ARHGAP10: variants seen among roughly 807,000 people sequenced by gnomAD.
The protein encoded by ARHGAP10 is rho GTPase-activating protein 10.
Under a neutral mutation model 108.6 loss-of-function variants are expected in ARHGAP10, and 87 were observed. The observed-to-expected ratio is 0.80, with a 90% CI of 0.67 to 0.96. The LOEUF is 0.96. Among genes scored for constraint, ARHGAP10 ranks in the 40% least tolerant of loss-of-function variants. The pLI is 0.00. For missense variants in ARHGAP10, 939 were observed against 954.5 expected (o/e 0.98, Z 0.21); for synonymous variants, 347 against 341.1 (o/e 1.02, Z -0.19).
chr4:147,959,601 A>T (rs1457509413), intron 16 of ARHGAP10, among the ~76,000 whole-genome samples: 3 of 151,942 alleles, frequency 2.0e-5, no homozygotes, highest in Admixed American at 2.0e-4. Flanking sequence ...CCCACCTATG[A>T]GTGAGAACAT....
At chr4:147,983,483 C>T (rs1052960866) in intron 18 of ARHGAP10, among the ~76,000 whole-genome samples, 6 of 151,730 alleles carry the variant, frequency 4.0e-5, no homozygotes, top group Non-Finnish European at 8.8e-5. Context: ...CTGCACTCGG[C>T]CTGTTCATTT....
At chr4:148,021,923 G>A (rs1365764192) in intron 18 of ARHGAP10, among the ~76,000 whole-genome samples, 1 of 152,136 alleles carries the variant, frequency 6.6e-6, no homozygotes, top group Non-Finnish European at 1.5e-5. Context: ...ACATGAGGGG[G>A]CAGTATGGGA....
At chr4:147,993,102 C>G (rs1740341416) in intron 18 of ARHGAP10, among the ~76,000 whole-genome samples, 1 of 152,268 alleles carries the variant, frequency 6.6e-6, no homozygotes, top group African/African-American at 2.4e-5. Flanking sequence ...TTGGCTTTTG[C>G]TTTTGTTTAT....
At chr4:147,915,843 C>T (rs1290590429) in intron 13 of ARHGAP10, among the ~76,000 whole-genome samples, 2 of 152,128 alleles carry the variant, frequency 1.3e-5, no homozygotes, top group South Asian at 4.2e-4. Flanking sequence ...CTGGCTCACA[C>T]CTATAATCCC....
chr4:147,864,999 A>C lies in ARHGAP10; in HGVS notation c.597+43A>C, dbSNP rs1456921417. 3 of 1,503,910 alleles carry C rather than the reference A, an allele frequency of 2.0e-6. No homozygotes were observed. The African/African-American group carries it at 4.2e-5, about 21-fold the overall frequency. The allele number at this position is 1,503,910 out of a possible 1,614,324, so 93.2% of individuals were successfully genotyped here. A position where few individuals can be genotyped will look rare whatever the true frequency, so the allele number is the denominator to read the frequency against. On this transcript the variant is annotated intron_variant, in intron 6 of 22. Transcript: ENST00000336498. Reference sequence around the variant, plus strand: ...GTTTGCTGGTGGATTTTTGCAATGTAAGATAAGTATTTATTTTCCTAGATC... The same window carrying C: ...GTTTGCTGGTGGATTTTTGCAATGTCAGATAAGTATTTATTTTCCTAGATC...
intron 18 of ARHGAP10, among the ~76,000 whole-genome samples, chr4:147,977,363 G>C (rs796172979): frequency 6.6e-6 from 1 of 152,074 alleles, no homozygotes; most frequent in South Asian, 2.1e-4. Context: ...GGTAGTTTGG[G>C]TATATATGGG....
intron 1 of ARHGAP10, among the ~76,000 whole-genome samples, chr4:147,780,255 G>A (rs1036833195): frequency 6.6e-6 from 1 of 152,096 alleles, no homozygotes; most frequent in Non-Finnish European, 1.5e-5. Flanking sequence ...AGCTGGTCCC[G>A]TGTCTGGATC....
chr4:147,993,090 G>T (rs1740340963), intron 18 of ARHGAP10, among the ~76,000 whole-genome samples: 1 of 152,186 alleles, frequency 6.6e-6, no homozygotes, highest in South Asian at 2.1e-4. Flanking sequence ...TGGGAGCAGG[G>T]TTTGGCTTTT....
chr4:147,965,596 A>C lies in ARHGAP10; in HGVS notation c.1556+467A>C, dbSNP rs540403785. Among the ~76,000 whole-genome samples the C allele has an allele frequency of 3.3e-5, 5 of 152,368 alleles. No individual in the cohort carries two copies. In the East Asian group the frequency reaches 9.6e-4, roughly 29 times the overall value. ...AGCCCTTTCTTTAAGTATAGAGATC[A>C]TTCTAACTGTAGAATTTTAGACGTG... On this transcript the variant is annotated intron_variant, in intron 17 of 22. Transcript: ENST00000336498.
rs569998791 is a variant in ARHGAP10 at position 148,025,139 on chromosome 4, A to G, written c.1867+1726A>G. Among the ~76,000 whole-genome samples, 8 of 152,356 alleles carry G rather than the reference A, an allele frequency of 5.3e-5. No individual in the cohort carries two copies. In the East Asian group the frequency reaches 1.5e-3, roughly 29 times the overall value. On this transcript the variant is annotated intron_variant, in intron 19 of 22. Transcript: ENST00000336498. ...AGAAGTTTCTGTAGTGGTATTTAGC[A>G]TATCTCTTATGGGAACACTCAAGCT...
intron 5 of ARHGAP10, among the ~76,000 whole-genome samples, chr4:147,859,075 G>A (rs931735915): frequency 6.6e-6 from 1 of 151,970 alleles, no homozygotes; most frequent in Non-Finnish European, 1.5e-5. Flanking sequence ...ACCCAGCTGG[G>A]GTCAGCATAG....
intron 1 of ARHGAP10, among the ~76,000 whole-genome samples, chr4:147,789,645 CTT>C (rs1317511631): frequency 4.6e-5 from 7 of 152,330 alleles, no homozygotes; most frequent in Non-Finnish European, 7.4e-5. Context: ...ACTGAAGACA[CTT>C]TGGCCACCTG....
Position 147,784,806 on chromosome 4 carries a change from AATATATT to A in ARHGAP10, c.155-37917_155-37911del, listed in dbSNP as rs1366236637. Among the ~76,000 whole-genome samples, 5 of 3,718 alleles carry A rather than the reference AATATATT, an allele frequency of 1.3e-3. 1 individual carries two copies. Among genetic ancestry groups the A allele is most frequent in the Non-Finnish European group, 4.8e-3 (5 of 1,032 alleles). 2.4% of individuals were successfully genotyped at this position (3,718 alleles called of 152,430 possible). On this transcript the variant is annotated intron_variant, in intron 1 of 22. Coordinates refer to ENST00000336498, the MANE Select transcript of ARHGAP10 (RefSeq NM_024605.4). ...ATTATAAAATATATATTATAAATAT[AATATATT>A]ATAAAATATATATTATAAATATATT...
chr4:147,905,859 C>A (rs1181224543), intron 10 of ARHGAP10, among the ~76,000 whole-genome samples: 1 of 152,004 alleles, frequency 6.6e-6, no homozygotes, highest in Non-Finnish European at 1.5e-5. Context: ...TTCTTCCTAT[C>A]CATGAGCATG....
chr4:147,845,301 G>A (rs897167752), intron 3 of ARHGAP10, among the ~76,000 whole-genome samples: 8 of 152,126 alleles, frequency 5.3e-5, no homozygotes, highest in South Asian at 2.1e-4. Flanking sequence ...TAGAATGTGC[G>A]CTTATATATC....
intron 1 of ARHGAP10, among the ~76,000 whole-genome samples, chr4:147,751,537 T>G: frequency 6.6e-6 from 1 of 151,668 alleles, no homozygotes; most frequent in East Asian, 2.0e-4. Flanking sequence ...CCATTTTTTT[T>G]GTATTTTTAG....
At chr4:147,822,050 G>A (rs1457606429) in intron 1 of ARHGAP10, among the ~76,000 whole-genome samples, 1 of 152,140 alleles carries the variant, frequency 6.6e-6, no homozygotes, top group African/African-American at 2.4e-5. Context: ...CACCTAGCAC[G>A]GTGCAAGGCC....
chr4:148,001,892 G>A (rs1254084015), intron 18 of ARHGAP10, among the ~76,000 whole-genome samples: 1 of 152,044 alleles, frequency 6.6e-6, no homozygotes, highest in African/African-American at 2.4e-5. Flanking sequence ...TTTCCTAATT[G>A]AATACCCTTT....
At chr4:147,953,018 A>G (rs1024033901) in intron 15 of ARHGAP10, among the ~76,000 whole-genome samples, 8 of 152,004 alleles carry the variant, frequency 5.3e-5, no homozygotes, top group African/African-American at 1.9e-4. Flanking sequence ...TATTTCTCCT[A>G]AATTGTCTAT....
Sources: allele counts gnomAD v4.1 joint callset (sites outside exome capture counted in the v4.1 genomes callset), GRCh38; gene constraint gnomAD v4.1.1; transcripts MANE v1.5; gene names NCBI Gene and HGNC (gene_info 2026-07-23, HGNC 2026-07-21).